Variants in NRN1L observed in about 807,000 individuals in gnomAD.
The protein encoded by NRN1L is neuritin 1 like.
NRN1L carries 12 observed loss-of-function variants against 8.8 expected under a neutral mutation model. That is an observed-to-expected ratio of 1.36 (90% CI 0.87 to 2.20). The LOEUF is 2.20. NRN1L is among the 30% of genes most tolerant of loss of function. The probability of loss-of-function intolerance (pLI) is 0.00; values close to 1 mark genes in which losing one functional copy is unlikely to be tolerated. For missense variants in NRN1L, 266 were observed against 232.4 expected (o/e 1.14, Z -0.94); for synonymous variants, 114 against 99.2 (o/e 1.15, Z -0.88).
intron 1 of NRN1L, chr16:67,885,373 C>A: frequency 8.5e-6 from 4 of 469,186 alleles, no homozygotes; most frequent in South Asian, 8.0e-5. Context: ...CAGAGAGATG[C>A]ACCTGCTCCT....
intron 2 of NRN1L, 58 bp downstream of exon 2, chr16:67,885,912 T>C (rs2151307475): frequency 6.3e-7 from 1 of 1,584,628 alleles, no homozygotes; most frequent in East Asian, 2.2e-5. Flanking sequence ...ACTGAACCTT[T>C]TATTTCCCAA....
Position 67,884,961 on chromosome 16 carries a change from C to A in NRN1L, c.58C>A (p.Pro20Thr). Residue 20 changes from proline to threonine, a missense_variant, in exon 1 of 3, where the codon CCG becomes ACG. Physicochemically the swap from Pro to Thr is conservative, Grantham distance 38. Coordinates refer to ENST00000339176, the MANE Select transcript of NRN1L (RefSeq NM_198443.2). The surrounding 1 kb of genome is among the most constrained non-coding windows in gnomAD (Gnocchi z 4.1). ...CCRQPPHALR[P>T]LLLLPLVLLP... ...CCGGCAACCACCCCATGCCCTGAGGCCGTTGCTGTTGCTGCCCCTCGGTGA... is the reference window on the plus strand; with the variant it reads ...CCGGCAACCACCCCATGCCCTGAGGACGTTGCTGTTGCTGCCCCTCGGTGA... 6.2e-7 allele frequency: 1 copy of A among 1,608,444 alleles called. No homozygotes were observed. Among genetic ancestry groups the A allele is most frequent in the Non-Finnish European group, 8.5e-7 (1 of 1,179,774 alleles).
rs373963412 is a variant in NRN1L at position 67,886,126 on chromosome 16, G to A, written c.365G>A (p.Arg122Gln). Residue 122 changes from arginine (R) to glutamine (Q), a missense_variant, in exon 3 of 3, where the codon CGG becomes CAG. Transcript: ENST00000339176. ...HTLCGAPVHV[R>Q]ERGTGSETNQ... ...CTGTGCGGTGCCCCGGTGCATGTTC[G>A]GGAGCGCGGCACAGGCTCCGAAACC... is the stretch of plus-strand genomic sequence containing the variant. 1.9e-4 allele frequency: 308 copies of A among 1,612,250 alleles called. 1 individual carries two copies. The highest frequency in any genetic ancestry group is 5.1e-4 in the East Asian group (23 of 44,842).
chr16:67,886,774 C>T (rs1004496431), downstream of NRN1L, among the ~76,000 whole-genome samples: 4 of 152,220 alleles, frequency 2.6e-5, no homozygotes, highest in Admixed American at 1.3e-4. Context: ...ATTTCACCTC[C>T]TCCTCTCTCT....
chr16:67,888,594 C>T (rs890622171), downstream of NRN1L: 1 of 152,136 alleles, frequency 6.6e-6, no homozygotes, highest in African/African-American at 2.4e-5. Context: ...GGGCTGATAG[C>T]CAAGCTGGCT....
At chr16:67,887,660 G>C (rs183564943), downstream of NRN1L, among the ~76,000 whole-genome samples, 749 of 149,208 alleles carry the variant, frequency 5.0e-3, 4 homozygotes, top group African/African-American at 0.018. Context: ...TCTGCTCACT[G>C]CAAGTTCCGC....
chr16:67,885,383 T>C, intron 1 of NRN1L: 1 of 462,424 alleles, frequency 2.2e-6, no homozygotes, highest in Middle Eastern at 5.7e-4. Flanking sequence ...CACCTGCTCC[T>C]GGTCCGGGGC....
Position 67,884,966 on chromosome 16 carries a change from G to A in NRN1L, c.63G>A (p.Leu21=). ...CRQPPHALRP[L]LLLPLVLLPP... ...AACCACCCCATGCCCTGAGGCCGTT[G>A]CTGTTGCTGCCCCTCGGTGAGTGCG... is the stretch of plus-strand genomic sequence containing the variant. The change falls in exon 1 of 3, where the codon TTG becomes TTA. Residue 21 remains leucine (L), a synonymous_variant. Coordinates refer to ENST00000339176, the MANE Select transcript of NRN1L (RefSeq NM_198443.2). The surrounding 1 kb of genome is among the most constrained non-coding windows in gnomAD (Gnocchi z 4.1). 1 of 1,608,344 alleles carries A rather than the reference G, an allele frequency of 6.2e-7. No homozygotes were observed. The highest frequency in any genetic ancestry group is 8.5e-7 in the Non-Finnish European group (1 of 1,179,762).
chr16:67,886,961 C>A (rs901150307), downstream of NRN1L, among the ~76,000 whole-genome samples: 6 of 152,340 alleles, frequency 3.9e-5, no homozygotes, highest in East Asian at 1.2e-3. Flanking sequence ...ATAAGGGTTC[C>A]TCTGGCCTCT....
At position 67,885,805 on chromosome 16, in the gene NRN1L, C is replaced by G; in HGVS notation, c.163C>G (p.Arg55Gly). Residue 55 changes from arginine (R) to glycine (G), a missense_variant, in exon 2 of 3, where the codon CGC (arginine) becomes GGC (glycine). By Grantham distance (125) the Arg-to-Gly change is moderately radical. Transcript: ENST00000339176. ...IYQGFAECLIRLGDSMGRGGE... is the reference protein window; with the variant it reads ...IYQGFAECLIGLGDSMGRGGE... Reference sequence around the variant, plus strand: ...CCAGGGCTTCGCCGAGTGTCTCATCCGCTTGGGGGACAGCATGGGCCGCGG... The same window carrying G: ...CCAGGGCTTCGCCGAGTGTCTCATCGGCTTGGGGGACAGCATGGGCCGCGG... 6.3e-7 allele frequency: 1 copy of G among 1,587,582 alleles called. No homozygotes were observed. Among genetic ancestry groups the G allele is most frequent in the Non-Finnish European group, 8.6e-7 (1 of 1,169,356 alleles).
chr16:67,886,889 C>T (rs914859505), downstream of NRN1L, among the ~76,000 whole-genome samples: 2 of 152,198 alleles, frequency 1.3e-5, no homozygotes, highest in African/African-American at 4.8e-5. Context: ...GGTGGGGAGC[C>T]TTTGTTGAAG....
chr16:67,885,853 A>G lies in NRN1L; in HGVS notation c.211A>G (p.Arg71Gly). 6.4e-7 allele frequency: 1 copy of G among 1,574,612 alleles called. No homozygotes were observed. Among genetic ancestry groups the G allele is most frequent in the Non-Finnish European group, 8.6e-7 (1 of 1,160,546 alleles). ...CGGAGGCGAGCTGGAGACCATCTGC[A>G]GGTACCGGCGGGTGTGAGGCAGTGG... ...GRGGELETIC[R>G]SWNDFHACAS... Residue 71 changes from arginine to glycine, a missense_variant and splice_region_variant, in exon 2 of 3, where the codon AGG becomes GGG. Coordinates refer to ENST00000339176, the MANE Select transcript of NRN1L (RefSeq NM_198443.2).
chr16:67,888,841 T>G (rs2058103645), downstream of NRN1L: 2 of 152,194 alleles, frequency 1.3e-5, no homozygotes, highest in Non-Finnish European at 2.9e-5. Flanking sequence ...ATTAATGCGC[T>G]GAATGTCTGT....
At chr16:67,887,292 CTT>C (rs921896791), downstream of NRN1L, among the ~76,000 whole-genome samples, 2 of 146,476 alleles carry the variant, frequency 1.4e-5, no homozygotes, top group African/African-American at 2.5e-5. Flanking sequence ...TTATTCTTTA[CTT>C]TTTTTTTTTT....
downstream of NRN1L, among the ~76,000 whole-genome samples, chr16:67,887,773 G>T (rs562431775): frequency 6.6e-6 from 1 of 152,016 alleles, no homozygotes; most frequent in Admixed American, 6.6e-5. Flanking sequence ...TTTAGTAGAC[G>T]GGGTTTCACT....
At chr16:67,885,197 A>G in intron 1 of NRN1L, 1 of 600,522 alleles carries the variant, frequency 1.7e-6, no homozygotes, top group East Asian at 2.8e-5. Flanking sequence ...CTCTTATGAT[A>G]AAGGGAGACA....
chr16:67,885,635 G>A, intron 1 of NRN1L, 87 bp from the exon 2 acceptor site: 1 of 1,100,384 alleles, frequency 9.1e-7, no homozygotes, highest in Non-Finnish European at 1.3e-6. Context: ...AGTGCTCCCA[G>A]GTAAACAAGC....
downstream of NRN1L, among the ~76,000 whole-genome samples, chr16:67,887,084 C>A (rs1439526332): frequency 6.6e-6 from 1 of 152,160 alleles, no homozygotes; most frequent in Non-Finnish European, 1.5e-5. Flanking sequence ...AGGAGCCCCT[C>A]TTCATACCGG....
rs764379629 is a variant in NRN1L at position 67,884,982 on chromosome 16, G to A, written c.79G>A (p.Val27Ile). 2.5e-6 allele frequency: 4 copies of A among 1,606,710 alleles called. No individual in the cohort carries two copies. In the South Asian group the frequency reaches 3.3e-5, roughly 13 times the overall value. ...GAGGCCGTTGCTGTTGCTGCCCCTCGGTGAGTGCGGGCATCCGGGGCCCGG... is the reference window on the plus strand; with the variant it reads ...GAGGCCGTTGCTGTTGCTGCCCCTCAGTGAGTGCGGGCATCCGGGGCCCGG... ...ALRPLLLLPL[V>I]LLPPLAAAAA... The change falls in exon 1 of 3, where the codon GTC becomes ATC. Residue 27 changes from valine to isoleucine, a missense_variant and splice_region_variant. By Grantham distance (29) the Val-to-Ile change is conservative. Coordinates refer to ENST00000339176, the MANE Select transcript of NRN1L (RefSeq NM_198443.2). The surrounding 1 kb of genome is among the most constrained non-coding windows in gnomAD (Gnocchi z 4.1).
Sources: gnomAD v4.1 joint callset for allele counts (sites outside exome capture counted in the v4.1 genomes callset) on GRCh38, gnomAD v4.1.1 for gene constraint, Gnocchi (gnomAD v3.1) non-coding constraint, MANE v1.5 for transcripts, NCBI Gene and HGNC (gene_info 2026-07-23, HGNC 2026-07-21) for gene names.